CYREN: variants seen among roughly 807,000 people sequenced by gnomAD.
CYREN encodes the protein cell cycle regulator of non-homologous end joining.
CYREN carries 7 observed loss-of-function variants against 9.7 expected under a neutral mutation model. That is an observed-to-expected ratio of 0.72 (90% CI 0.41 to 1.36). CYREN has a LOEUF of 1.36. Ranked by LOEUF, CYREN falls within the 40% of genes most tolerant of loss-of-function variation. The pLI is 0.01. For synonymous variants in CYREN, 76 were observed against 77.9 expected, an observed-to-expected ratio of 0.98 and a Z score of 0.13; for missense variants, 215 against 198.1, an observed-to-expected ratio of 1.09 and a Z score of -0.51.
At chr7:135,124,269 C>T (rs1313087168) in intron 2 of CYREN, among the ~76,000 whole-genome samples, 1 of 149,880 alleles carries the variant, frequency 6.7e-6, no homozygotes, top group Admixed American at 6.6e-5. Flanking sequence ...ACAAAATAGA[C>T]TTTAAACCAA....
At chr7:135,115,513 G>A (rs1287910666) in intron 2 of CYREN, 11 of 1,551,386 alleles carry the variant, frequency 7.1e-6, no homozygotes, top group South Asian at 1.2e-5. Context: ...AAGAAATATT[G>A]CAGTATTTGC....
intron 2 of CYREN, among the ~76,000 whole-genome samples, chr7:135,100,464 G>C (rs1294344993): frequency 6.6e-6 from 1 of 152,152 alleles, no homozygotes. Flanking sequence ...CTGGATGGTG[G>C]AATAGGTAAC....
At chr7:135,129,140 T>C (rs1243501747) in intron 2 of CYREN, 3 of 1,509,922 alleles carry the variant, frequency 2.0e-6, no homozygotes, top group African/African-American at 1.4e-5. Context: ...TTGCCTATTA[T>C]GACTGCCTTC....
intron 2 of CYREN, chr7:135,134,970 C>T: frequency 6.4e-6 from 10 of 1,551,196 alleles, no homozygotes; most frequent in Non-Finnish European, 8.7e-6. Flanking sequence ...CTAAGCCCCA[C>T]AGGTCATTGG....
intron 2 of CYREN, among the ~76,000 whole-genome samples, chr7:135,141,958 T>C (rs1413078810): frequency 6.6e-6 from 1 of 152,138 alleles, no homozygotes; most frequent in Admixed American, 6.6e-5. Flanking sequence ...AATTGCTTTA[T>C]GGCCAAGCAT....
At chr7:135,132,314 C>A (rs1340925154) in intron 2 of CYREN, among the ~76,000 whole-genome samples, 1 of 152,098 alleles carries the variant, frequency 6.6e-6, no homozygotes, top group Non-Finnish European at 1.5e-5. Context: ...GAATTATACA[C>A]CATGACCAAG....
At chr7:135,122,661 A>G (rs2067613063) in intron 2 of CYREN, among the ~76,000 whole-genome samples, 1 of 152,200 alleles carries the variant, frequency 6.6e-6, no homozygotes, top group Non-Finnish European at 1.5e-5. Context: ...CCTTGAGGTC[A>G]GAGATCCCAG....
intron 2 of CYREN, among the ~76,000 whole-genome samples, chr7:135,126,414 C>A (rs1478277788): frequency 2.0e-5 from 3 of 152,188 alleles, no homozygotes; most frequent in Non-Finnish European, 4.4e-5. Flanking sequence ...GAAAAACATT[C>A]CATCCTCGTG....
intron 2 of CYREN, among the ~76,000 whole-genome samples, chr7:135,104,921 A>C (rs1369575417): frequency 2.0e-5 from 3 of 151,786 alleles, no homozygotes; most frequent in South Asian, 2.1e-4. Context: ...GAAGCTCTTA[A>C]GTTTAATTAG....
intron 2 of CYREN, among the ~76,000 whole-genome samples, chr7:135,122,979 G>A (rs7809906): frequency 0.48 from 73,322 of 151,998 alleles, 18,059 homozygotes; most frequent in South Asian, 0.66. Context: ...AGGCCAGAGT[G>A]CCTCCTCTCC....
chr7:135,157,725 C>CT (rs1396884678), intron 2 of CYREN, among the ~76,000 whole-genome samples: 2 of 152,190 alleles, frequency 1.3e-5, no homozygotes, highest in African/African-American at 4.8e-5. Flanking sequence ...GTTGGGTGAG[C>CT]TACTCCCCAG....
At chr7:135,161,923 A>G (rs1413709603), downstream of CYREN, among the ~76,000 whole-genome samples, 2 of 152,208 alleles carry the variant, frequency 1.3e-5, no homozygotes, top group African/African-American at 4.8e-5. This position sits in a 1 kb window ranked among gnomAD's most constrained non-coding sequence, Gnocchi z 4.1. Flanking sequence ...CTGAGTCCAG[A>G]GAAGCGGCAT....
chr7:135,155,615 G>T (rs1026587457), intron 2 of CYREN, among the ~76,000 whole-genome samples: 1 of 152,198 alleles, frequency 6.6e-6, no homozygotes, highest in African/African-American at 2.4e-5. Flanking sequence ...ATTAATTGAT[G>T]CCAGGCAGGG....
At chr7:135,115,864 G>A in intron 2 of CYREN, 4 of 367,888 alleles carry the variant, frequency 1.1e-5, no homozygotes, top group South Asian at 4.8e-5. Flanking sequence ...TAATAAAGTA[G>A]GCATAAATAA....
At chr7:135,096,558 A>AGATAGATAGATAGATAGAT (rs1822770203) in intron 2 of CYREN, among the ~76,000 whole-genome samples, 30 of 79,778 alleles carry the variant, frequency 3.8e-4, no homozygotes, top group African/African-American at 1.2e-3. Context: ...GAAAGAAAGA[A>AGATAGATAGATAGATAGAT]AGATAGATAG....
chr7:135,128,952 G>A, intron 2 of CYREN: 1 of 1,573,628 alleles, frequency 6.4e-7, no homozygotes, highest in South Asian at 1.1e-5. Flanking sequence ...TAAGAAGCTG[G>A]GTAGTGAATG....
intron 2 of CYREN, among the ~76,000 whole-genome samples, chr7:135,144,037 T>C (rs1829499755): frequency 6.6e-6 from 1 of 152,162 alleles, no homozygotes; most frequent in Non-Finnish European, 1.5e-5. Flanking sequence ...CTGCCAGCGT[T>C]TCTCATCTCC....
chr7:135,124,233 A>AC (rs1401859599), intron 2 of CYREN, among the ~76,000 whole-genome samples: 4 of 151,730 alleles, frequency 2.6e-5, no homozygotes, highest in Non-Finnish European at 4.4e-5. Flanking sequence ...AAAAAAAAAA[A>AC]GTAGGGGTTG....
At chr7:135,095,843 A>T (rs74811174) in intron 2 of CYREN, among the ~76,000 whole-genome samples, 27 of 152,272 alleles carry the variant, frequency 1.8e-4, no homozygotes, top group Middle Eastern at 3.4e-3. Flanking sequence ...GTGTGTTGCA[A>T]TCTGGAGTGC....
Sources: gnomAD v4.1 joint callset for allele counts (sites outside exome capture counted in the v4.1 genomes callset) on GRCh38, gnomAD v4.1.1 for gene constraint, Gnocchi (gnomAD v3.1) non-coding constraint, MANE v1.5 for transcripts, NCBI Gene and HGNC (gene_info 2026-07-23, HGNC 2026-07-21) for gene names.